Variants in FAM193A observed in about 807,000 individuals in gnomAD.
FAM193A encodes family with sequence similarity 193 member A.
Under a neutral mutation model 126.5 loss-of-function variants are expected in FAM193A, and 22 were observed. The ratio of observed to expected loss-of-function variants is 0.17; its 90% CI spans 0.12 to 0.25. The LOEUF (loss-of-function observed/expected upper bound fraction) is 0.25, where lower values mean the gene tolerates loss of function less well. Among genes scored for constraint, FAM193A ranks in the 10% least tolerant of loss-of-function variants. The pLI is 1.00. For missense variants in FAM193A, 1,675 were observed against 1,672.8 expected, an observed-to-expected ratio of 1.00 and a Z score of -0.02; for synonymous variants, 761 against 646.8, an observed-to-expected ratio of 1.18 and a Z score of -2.68.
Position 2,626,425 on chromosome 4 carries a change from G to C in FAM193A, c.651G>C (p.Glu217Asp). 1.4e-6 allele frequency: 1 copy of C among 699,606 alleles called. No homozygotes were observed. Among genetic ancestry groups the C allele is most frequent in the Non-Finnish European group, 2.6e-6 (1 of 382,196 alleles). 43.3% of individuals were successfully genotyped at this position (699,606 alleles called of 1,614,324 possible). The change falls in exon 4 of 21, where the codon GAG becomes GAC. Residue 217 changes from glutamate (E) to aspartate (D), a missense_variant. Coordinates refer to ENST00000637812, the MANE Select transcript of FAM193A (RefSeq NM_001366318.2). ...ACSERREISA[E>D]ADREPQQLQN... is the part of the protein sequence containing the mutation. ...TGTCTCACAGAGAAATTTCGGCAGAGGCGGACCGGGAACCTCAGCAGCTGC... is the reference window on the plus strand; with the variant it reads ...TGTCTCACAGAGAAATTTCGGCAGACGCGGACCGGGAACCTCAGCAGCTGC...
chr4:2,646,857 AC>A (rs1399770266), intron 7 of FAM193A, 25 bp downstream of exon 7: 1 of 1,596,264 alleles, frequency 6.3e-7, no homozygotes, highest in Admixed American at 1.7e-5. Flanking sequence ...GGACCACCGC[AC>A]CCCGCGCACA....
intron 1 of FAM193A, among the ~76,000 whole-genome samples, chr4:2,550,159 C>T (rs749649345): frequency 6.6e-6 from 1 of 151,520 alleles, no homozygotes. Flanking sequence ...GCCTCAGCCT[C>T]ACAGGTTGCT....
chr4:2,675,955 A>G (rs1044736648), intron 13 of FAM193A, among the ~76,000 whole-genome samples: 1 of 152,228 alleles, frequency 6.6e-6, no homozygotes, highest in African/African-American at 2.4e-5. Flanking sequence ...ATGTTGTCGC[A>G]TATTGCAGAA....
At chr4:2,622,655 A>C (rs1742627380) in intron 2 of FAM193A, among the ~76,000 whole-genome samples, 1 of 152,146 alleles carries the variant, frequency 6.6e-6, no homozygotes, top group Non-Finnish European at 1.5e-5. Context: ...TGGAAGGTCT[A>C]AGATCAAGGT....
intron 1 of FAM193A, among the ~76,000 whole-genome samples, chr4:2,539,742 C>T (rs1222671546): frequency 6.6e-6 from 1 of 152,076 alleles, no homozygotes; most frequent in East Asian, 1.9e-4. Flanking sequence ...CTCTTATGAC[C>T]CACTCCAAGA....
chr4:2,553,538 G>A (rs1738075793), intron 1 of FAM193A, among the ~76,000 whole-genome samples: 1 of 151,938 alleles, frequency 6.6e-6, no homozygotes, highest in Non-Finnish European at 1.5e-5. Flanking sequence ...GCACCACCAT[G>A]CCTGGCTAAT....
intron 20 of FAM193A, among the ~76,000 whole-genome samples, chr4:2,724,300 T>G (rs988131950): frequency 6.6e-6 from 1 of 151,582 alleles, no homozygotes; most frequent in South Asian, 2.1e-4. Flanking sequence ...TTCCATCTGT[T>G]TTTCAACTTA....
At chr4:2,641,923 G>A (rs1248682928) in intron 6 of FAM193A, among the ~76,000 whole-genome samples, 2 of 150,508 alleles carry the variant, frequency 1.3e-5, no homozygotes, top group African/African-American at 4.9e-5. Flanking sequence ...GGGTAACAGC[G>A]AGACCCCATC....
chr4:2,558,690 G>GT (rs1465869117), intron 1 of FAM193A, among the ~76,000 whole-genome samples: 3 of 152,120 alleles, frequency 2.0e-5, no homozygotes, highest in Non-Finnish European at 4.4e-5. Flanking sequence ...GTACCTAGCT[G>GT]TTTCTGTCTT....
At chr4:2,594,080 G>A (rs1488932423) in intron 1 of FAM193A, among the ~76,000 whole-genome samples, 2 of 152,144 alleles carry the variant, frequency 1.3e-5, no homozygotes, top group Admixed American at 6.5e-5. Flanking sequence ...CCCTGTGGAT[G>A]TAACAGGAGT....
intron 13 of FAM193A, among the ~76,000 whole-genome samples, chr4:2,680,653 T>G (rs1715002129): frequency 6.6e-6 from 1 of 151,378 alleles, no homozygotes; most frequent in South Asian, 2.1e-4. Flanking sequence ...TACTTACTTT[T>G]TTTTTTGAGA....
intron 1 of FAM193A, among the ~76,000 whole-genome samples, chr4:2,568,541 C>T (rs1247668865): frequency 2.0e-5 from 3 of 152,060 alleles, no homozygotes; most frequent in Non-Finnish European, 4.4e-5. Context: ...ATAATTTTAA[C>T]ATCATATTTG....
At chr4:2,728,236 C>G (rs1437405282) in intron 20 of FAM193A, among the ~76,000 whole-genome samples, 1 of 120,078 alleles carries the variant, frequency 8.3e-6, no homozygotes, top group Non-Finnish European at 1.7e-5. Context: ...ACACCCGGCC[C>G]AATTTTTTTT....
At position 2,600,837 on chromosome 4, in the gene FAM193A, C is replaced by T. The variant is rs570479957; in HGVS notation, c.501+4508C>T. On this transcript the variant is annotated intron_variant, in intron 2 of 20. Coordinates refer to ENST00000637812, the MANE Select transcript of FAM193A (RefSeq NM_001366318.2). Reference sequence around the variant, plus strand: ...CTGGGGCTACCCATTCATGAATGACCCGCCTTTGGCCTCACCTCCCCTTCA... The same window carrying T: ...CTGGGGCTACCCATTCATGAATGACTCGCCTTTGGCCTCACCTCCCCTTCA... Among the ~76,000 whole-genome samples the T allele has an allele frequency of 9.8e-5, 15 of 152,338 alleles. No homozygotes were observed. The South Asian group carries it at 1.7e-3, about 17-fold the overall frequency.
Position 2,663,186 on chromosome 4 carries a change from G to C in FAM193A, c.1977G>C (p.Glu659Asp), listed in dbSNP as rs1311796163. ...DEEADGESSG[E>D]PPGAPKEDGV... The stretch of plus-strand genomic sequence containing the variant: ...AAGCGGACGGCGAGAGTAGTGGGGA[G>C]CCCCCAGGGGCCCCGAAGGAAGATG... The change falls in exon 12 of 21, where the codon GAG becomes GAC. Residue 659 changes from glutamate (E) to aspartate (D), a missense_variant. Physicochemically the swap from Glu to Asp is conservative, Grantham distance 45 (BLOSUM62 2). This residue lies in a region of FAM193A where 1,186 missense variants were observed against 1,109.2 expected (regional missense o/e 1.07). Coordinates refer to ENST00000637812, the MANE Select transcript of FAM193A (RefSeq NM_001366318.2). 1.2e-6 allele frequency: 2 copies of C among 1,614,158 alleles called. No individual in the cohort carries two copies. The highest frequency in any genetic ancestry group is 1.3e-5 in the African/African-American group (1 of 75,026).
chr4:2,544,595 T>C (rs747861515), intron 1 of FAM193A, among the ~76,000 whole-genome samples: 8 of 151,854 alleles, frequency 5.3e-5, no homozygotes, highest in East Asian at 1.9e-4. Context: ...TCCTAGCTAC[T>C]CGGGAGGCTG....
chr4:2,590,735 G>A (rs1740522444), intron 1 of FAM193A, among the ~76,000 whole-genome samples: 1 of 151,664 alleles, frequency 6.6e-6, no homozygotes, highest in African/African-American at 2.4e-5. Context: ...TCTATAGGAA[G>A]TGTAGAAGTT....
intron 1 of FAM193A, among the ~76,000 whole-genome samples, chr4:2,538,579 C>T (rs1234036825): frequency 6.8e-6 from 1 of 147,836 alleles, no homozygotes; most frequent in Non-Finnish European, 1.5e-5. Flanking sequence ...ATCCAGTATC[C>T]TGGAGATCAA....
chr4:2,551,715 T>G lies in FAM193A; in HGVS notation c.255+14545T>G, dbSNP rs184690223. Among the ~76,000 whole-genome samples the G allele has an allele frequency of 9.8e-5, 15 of 152,310 alleles. No homozygotes were observed. In the East Asian group the frequency reaches 2.9e-3, roughly 29 times the overall value. On this transcript the variant is annotated intron_variant, in intron 1 of 20. Transcript: ENST00000637812. ...GAGGTTTCATCATTTTTTAAACCTTTTTGAAGAACCAGCTGTTGGTTTTAC... is the reference window on the plus strand; with the variant it reads ...GAGGTTTCATCATTTTTTAAACCTTGTTGAAGAACCAGCTGTTGGTTTTAC...
Sources: allele counts gnomAD v4.1 joint callset (sites outside exome capture counted in the v4.1 genomes callset), GRCh38; gene constraint gnomAD v4.1.1; regional missense constraint gnomAD v4.1.1; transcripts MANE v1.5; gene names NCBI Gene and HGNC (gene_info 2026-07-23, HGNC 2026-07-21).